GOLGA5: variants seen among roughly 807,000 people sequenced by gnomAD.
GOLGA5 encodes golgin subfamily A member 5.
Under a neutral mutation model 93.5 loss-of-function variants are expected in GOLGA5, and 50 were observed. The observed-to-expected ratio is 0.53, with a 90% confidence interval of 0.43 to 0.68. The LOEUF (loss-of-function observed/expected upper bound fraction) is 0.68, where lower values mean the gene tolerates loss of function less well. GOLGA5 is among the 30% of genes least tolerant of loss of function. The probability of loss-of-function intolerance (pLI) is 0.00; values close to 1 mark genes in which losing one functional copy is unlikely to be tolerated. For synonymous variants in GOLGA5, 312 were observed against 304.5 expected, an observed-to-expected ratio of 1.02 and a Z score of -0.26; for missense variants, 760 against 856.4, an observed-to-expected ratio of 0.89 and a Z score of 1.40.
intron 6 of GOLGA5, 85 bp downstream of exon 6, chr14:92,811,839 G>T (rs988404611): frequency 2.1e-6 from 2 of 969,962 alleles, no homozygotes; most frequent in Admixed American, 1.9e-5. Context: ...ACTGTGTGAG[G>T]TGCTTTGTTC....
chr14:92,801,804 C>T (rs1010757840), intron 2 of GOLGA5, among the ~76,000 whole-genome samples: 5 of 151,688 alleles, frequency 3.3e-5, no homozygotes, highest in Non-Finnish European at 7.4e-5. Flanking sequence ...TCTCTTGTCC[C>T]TACCAATTTG....
chr14:92,834,332 C>G (rs571490211), intron 10 of GOLGA5, among the ~76,000 whole-genome samples: 73 of 152,034 alleles, frequency 4.8e-4, no homozygotes, highest in Non-Finnish European at 1.0e-3. Context: ...AGGTCTATCT[C>G]CTAATACTAT....
intron 8 of GOLGA5, among the ~76,000 whole-genome samples, chr14:92,821,203 TG>T (rs1885310537): frequency 2.0e-5 from 3 of 152,354 alleles, no homozygotes; most frequent in Middle Eastern, 6.8e-3. Context: ...TTATTGCATT[TG>T]TGCTTTCTAG....
At chr14:92,823,306 C>G (rs1438769848) in intron 8 of GOLGA5, among the ~76,000 whole-genome samples, 1 of 152,038 alleles carries the variant, frequency 6.6e-6, no homozygotes, top group African/African-American at 2.4e-5. Context: ...CCATTAGTCA[C>G]TTTGTCTGTT....
chr14:92,806,303 AT>A (rs1884984604), intron 2 of GOLGA5, among the ~76,000 whole-genome samples: 1 of 152,020 alleles, frequency 6.6e-6, no homozygotes, highest in African/African-American at 2.4e-5. Context: ...ACTATTGAAA[AT>A]TTGTTTATTT....
At chr14:92,814,948 T>TA (rs1024585012) in intron 6 of GOLGA5, among the ~76,000 whole-genome samples, 36 of 150,696 alleles carry the variant, frequency 2.4e-4, no homozygotes, top group African/African-American at 4.9e-4. Context: ...TTTTAAAATG[T>TA]AAAAAAAAAA....
intron 10 of GOLGA5, among the ~76,000 whole-genome samples, chr14:92,834,610 G>A (rs1405797173): frequency 2.0e-5 from 3 of 152,234 alleles, no homozygotes; most frequent in African/African-American, 2.4e-5. Flanking sequence ...GGAGGCCAAG[G>A]CCTCTGGAGT....
intron 5 of GOLGA5, 77 bp from the exon 6 acceptor site, chr14:92,811,474 A>C (rs1025195467): frequency 1.0e-6 from 1 of 1,003,128 alleles, no homozygotes; most frequent in African/African-American, 1.6e-5. Context: ...ATCCCATAAG[A>C]TATCCGAATG....
At chr14:92,796,774 T>C (rs955087650) in intron 1 of GOLGA5, among the ~76,000 whole-genome samples, 2 of 118,216 alleles carry the variant, frequency 1.7e-5, no homozygotes, top group Admixed American at 9.0e-5. Context: ...ATCGAGACCA[T>C]CCCGGCTAAC....
intron 9 of GOLGA5, among the ~76,000 whole-genome samples, chr14:92,826,999 AAAT>A (rs1282948409): frequency 6.6e-6 from 1 of 152,202 alleles, no homozygotes; most frequent in African/African-American, 2.4e-5. Flanking sequence ...GAGATTATAA[AAAT>A]AAAAACAGGT....
chr14:92,830,117 G>C (rs192917736), intron 9 of GOLGA5, among the ~76,000 whole-genome samples: 1 of 152,136 alleles, frequency 6.6e-6, no homozygotes, highest in Admixed American at 6.5e-5. Flanking sequence ...TCAGGAGTTC[G>C]AGACTAGCCT....
intron 2 of GOLGA5, among the ~76,000 whole-genome samples, chr14:92,804,576 A>G (rs2140315099): frequency 6.6e-6 from 1 of 151,422 alleles, no homozygotes; most frequent in South Asian, 2.1e-4. Context: ...TTCTATAAAC[A>G]TTTCATTTTC....
chr14:92,801,967 T>C (rs1019366889), intron 2 of GOLGA5, among the ~76,000 whole-genome samples: 1 of 152,220 alleles, frequency 6.6e-6, no homozygotes, highest in African/African-American at 2.4e-5. Flanking sequence ...GGGTAGCTTC[T>C]TCCACCTTGT....
chr14:92,833,989 ACTT>A (rs1454249127), intron 10 of GOLGA5, among the ~76,000 whole-genome samples: 4 of 146,352 alleles, frequency 2.7e-5, no homozygotes, highest in African/African-American at 5.0e-5. Context: ...GAAAAGTGTC[ACTT>A]CTTTTTTTTT....
chr14:92,829,730 A>G (rs772075661), intron 9 of GOLGA5, among the ~76,000 whole-genome samples: 2 of 152,248 alleles, frequency 1.3e-5, no homozygotes, highest in African/African-American at 2.4e-5. Flanking sequence ...AACTTAGTTG[A>G]TGAAGCACTG....
chr14:92,805,168 T>C (rs1884958571), intron 2 of GOLGA5, among the ~76,000 whole-genome samples: 1 of 152,094 alleles, frequency 6.6e-6, no homozygotes, highest in African/African-American at 2.4e-5. Flanking sequence ...CCACTTAATC[T>C]CCTCACCCCG....
At chr14:92,827,231 C>T (rs928972364) in intron 9 of GOLGA5, among the ~76,000 whole-genome samples, 3 of 152,156 alleles carry the variant, frequency 2.0e-5, no homozygotes, top group African/African-American at 7.2e-5. Flanking sequence ...GCATTTTTAC[C>T]AAATTGAAAG....
intron 2 of GOLGA5, among the ~76,000 whole-genome samples, chr14:92,802,868 A>G (rs886778189): frequency 8.6e-5 from 13 of 151,914 alleles, no homozygotes; most frequent in Admixed American, 7.9e-4. Context: ...TGGCTCAAGT[A>G]ATCCTCCCAC....
chr14:92,818,153 G>A (rs1261062658), intron 7 of GOLGA5, among the ~76,000 whole-genome samples: 2 of 152,012 alleles, frequency 1.3e-5, no homozygotes, highest in Non-Finnish European at 2.9e-5. Flanking sequence ...TAATATATCA[G>A]CATCATTAAT....
Sources: allele counts gnomAD v4.1 joint callset (sites outside exome capture counted in the v4.1 genomes callset), GRCh38; gene constraint gnomAD v4.1.1; transcripts MANE v1.5; gene names NCBI Gene and HGNC (gene_info 2026-07-23, HGNC 2026-07-21).